VWF: variants seen among roughly 807,000 people sequenced by gnomAD.
VWF encodes the protein von Willebrand factor, also known as Factor VIII related antigen.
A neutral mutation model predicts 308.6 loss-of-function variants in VWF; 176 were observed. The observed-to-expected ratio is 0.57, with a 90% CI of 0.50 to 0.65. VWF has a LOEUF of 0.65. Among genes scored for constraint, VWF ranks in the 30% least tolerant of loss-of-function variants. The pLI is 0.00. For synonymous variants in VWF, 1,385 were observed against 1,443.4 expected, an observed-to-expected ratio of 0.96 and a Z score of 0.92; for missense variants, 3,146 against 3,648.2, an observed-to-expected ratio of 0.86 and a Z score of 3.55.
intron 47 of VWF, among the ~76,000 whole-genome samples, chr12:5,965,927 AAAG>A (rs1291234064): frequency 6.6e-6 from 1 of 152,220 alleles, no homozygotes; most frequent in Non-Finnish European, 1.5e-5. Flanking sequence ...TTCTGGAGAA[AAAG>A]AAGAAGAATA....
At chr12:6,054,297 G>A (rs1374462115) in intron 15 of VWF, among the ~76,000 whole-genome samples, 1 of 152,208 alleles carries the variant, frequency 6.6e-6, no homozygotes. Flanking sequence ...TTCTCTGCAA[G>A]AATGGAAAGG....
chr12:6,017,508 G>C (rs1281497660), intron 28 of VWF, among the ~76,000 whole-genome samples: 1 of 152,168 alleles, frequency 6.6e-6, no homozygotes, highest in Non-Finnish European at 1.5e-5. Flanking sequence ...CTAAAAGAAG[G>C]CTTATTATTC....
chr12:6,107,895 T>C (rs577880443), intron 5 of VWF, among the ~76,000 whole-genome samples: 1 of 152,044 alleles, frequency 6.6e-6, no homozygotes, highest in African/African-American at 2.4e-5. Context: ...CCTGACCTCA[T>C]GATCCGCCCA....
intron 43 of VWF, among the ~76,000 whole-genome samples, chr12:5,974,673 C>G (rs1220390568): frequency 6.6e-6 from 1 of 152,182 alleles, no homozygotes; most frequent in Non-Finnish European, 1.5e-5. Context: ...TGAGATTTAA[C>G]AAAGCTGTGT....
intron 43 of VWF, among the ~76,000 whole-genome samples, chr12:5,972,112 T>A (rs909844865): frequency 2.0e-5 from 3 of 152,180 alleles, no homozygotes; most frequent in African/African-American, 7.2e-5. Flanking sequence ...CTCGCAGGGC[T>A]AGCCTCCCAT....
chr12:5,994,650 G>A (rs753826366), intron 35 of VWF, 43 bp from the exon 36 acceptor site: 2 of 1,594,436 alleles, frequency 1.3e-6, no homozygotes, highest in Non-Finnish European at 1.7e-6. Context: ...CTAGCAATGA[G>A]GAATCCTAGG....
chr12:5,980,524 G>A (rs914515348), intron 42 of VWF, among the ~76,000 whole-genome samples: 1 of 152,160 alleles, frequency 6.6e-6, no homozygotes, highest in Non-Finnish European at 1.5e-5. Context: ...GCATAAAAAT[G>A]GGGAGTGGCA....
chr12:6,110,905 T>A lies in VWF; in HGVS notation c.284A>T (p.His95Leu). Reference sequence around the variant, plus strand: ...TGTCACGGTACCATTGACAAACAAATGGATGTCAAAAAATTCCCCAAGATA... The same window carrying A: ...TGTCACGGTACCATTGACAAACAAAAGGATGTCAAAAAATTCCCCAAGATA... Reference protein sequence around the residue: ...SVYLGEFFDIHLFVNGTVTQG... With the variant: ...SVYLGEFFDILLFVNGTVTQG... Residue 95 changes from histidine (H) to leucine (L), a missense_variant, in exon 4 of 52, where the codon CAT becomes CTT. This residue lies in a region of VWF where 1,304 missense variants were observed against 1,353.0 expected (regional missense o/e 0.96). Coordinates refer to ENST00000261405, the MANE Select transcript of VWF (RefSeq NM_000552.5). 7 of 1,614,154 alleles carry A rather than the reference T, an allele frequency of 4.3e-6. No individual in the cohort carries two copies. The highest frequency in any genetic ancestry group is 5.1e-6 in the Non-Finnish European group (6 of 1,180,022).
intron 44 of VWF, among the ~76,000 whole-genome samples, chr12:5,970,040 C>T (rs1191531365): frequency 6.6e-6 from 1 of 152,188 alleles, no homozygotes; most frequent in East Asian, 1.9e-4. Flanking sequence ...CAGGCCCTGA[C>T]CTACTTCTCC....
intron 2 of VWF, 198 bp downstream of exon 2, chr12:6,122,944 T>C (rs763862928): frequency 3.9e-6 from 3 of 759,890 alleles, no homozygotes; most frequent in African/African-American, 3.4e-5. Context: ...CAACAGGAGA[T>C]GGCATTTGCA....
At chr12:5,967,663 C>G (rs532340140) in intron 46 of VWF, 61 bp from the exon 47 acceptor site, 1 of 1,453,064 alleles carries the variant, frequency 6.9e-7, no homozygotes, top group Non-Finnish European at 9.6e-7. Flanking sequence ...ACTCACCTCA[C>G]TCTCATACCC....
rs1402542705 is a variant in VWF, at chr12:6,058,040, G to A, written c.1538C>T (p.Ser513Phe). ...GCAGGTCTTCCCGGCATAGACGGGG[G>A]ACAGCTGCAGGAGAGACCAGGCCAC... Reference protein sequence around the residue: ...DGRGRLLVKLSPVYAGKTCGL... With the variant: ...DGRGRLLVKLFPVYAGKTCGL... The change falls in exon 14 of 52, where the codon TCC (serine) becomes TTC (phenylalanine). Residue 513 changes from serine to phenylalanine, a missense_variant. Physicochemically the swap from Ser to Phe is radical, Grantham distance 155 (BLOSUM62 -2). Coordinates refer to ENST00000261405, the MANE Select transcript of VWF (RefSeq NM_000552.5). This position sits in a 1 kb window ranked among gnomAD's most constrained non-coding sequence, Gnocchi z 4.9. 1 of 1,613,096 alleles carries A rather than the reference G, an allele frequency of 6.2e-7. No homozygotes were observed. Among genetic ancestry groups the A allele is most frequent in the Non-Finnish European group, 8.5e-7 (1 of 1,180,028 alleles).
intron 34 of VWF, among the ~76,000 whole-genome samples, chr12:6,006,517 T>C (rs1324141390): frequency 6.6e-6 from 1 of 152,188 alleles, no homozygotes; most frequent in Admixed American, 6.5e-5. Flanking sequence ...GTGGCTCATG[T>C]CTGTGATCCC....
At chr12:6,067,127 C>A (rs1333150490) in intron 10 of VWF, among the ~76,000 whole-genome samples, 1 of 152,174 alleles carries the variant, frequency 6.6e-6, no homozygotes, top group Admixed American at 6.5e-5. Flanking sequence ...GAGGACAGAG[C>A]AGGCCACAAG....
chr12:6,102,174 G>A (rs1272365616), intron 5 of VWF, among the ~76,000 whole-genome samples: 1 of 152,268 alleles, frequency 6.6e-6, no homozygotes, highest in Non-Finnish European at 1.5e-5. Flanking sequence ...GGGCAAGGTG[G>A]CTCACACCTG....
chr12:6,092,834 G>A (rs746184845), intron 6 of VWF, among the ~76,000 whole-genome samples: 20 of 152,000 alleles, frequency 1.3e-4, no homozygotes, highest in Non-Finnish European at 1.9e-4. Flanking sequence ...ATCCCAAAAT[G>A]AATGTGGGAC....
Position 6,116,454 on chromosome 12 carries a change from G to A in VWF, c.220+4720C>T, listed in dbSNP as rs145114592. Among the ~76,000 whole-genome samples, 294 of 152,306 alleles carry A rather than the reference G, an allele frequency of 1.9e-3. 3 individuals carry two copies. The highest frequency in any genetic ancestry group is 6.6e-3 in the African/African-American group (275 of 41,572). ...ACTAAACACTCTACCTTCTATGCCC[G>A]TGATTCTGGTGCAGGTGACCCTCCC... is the stretch of plus-strand genomic sequence containing the variant. On this transcript the variant is annotated intron_variant, in intron 3 of 51. Transcript: ENST00000261405.
intron 3 of VWF, among the ~76,000 whole-genome samples, chr12:6,114,497 G>C (rs11064029): frequency 0.03 from 4,497 of 152,306 alleles, 220 homozygotes; most frequent in African/African-American, 0.1. Flanking sequence ...ACCAGGAGAA[G>C]TGTATGGGAG....
At chr12:5,962,082 C>T (rs117203093) in intron 47 of VWF, among the ~76,000 whole-genome samples, 268 of 152,306 alleles carry the variant, frequency 1.8e-3, no homozygotes, top group Non-Finnish European at 3.2e-3. Flanking sequence ...GACATCAAAT[C>T]TGCTGGTACC....
Sources: allele counts gnomAD v4.1 joint callset (sites outside exome capture counted in the v4.1 genomes callset), GRCh38; gene constraint gnomAD v4.1.1; regional missense constraint gnomAD v4.1.1; non-coding constraint Gnocchi (gnomAD v3.1); transcripts MANE v1.5; gene names NCBI Gene and HGNC (gene_info 2026-07-23, HGNC 2026-07-21).